ASCC3: variants seen among roughly 807,000 people sequenced by gnomAD.
ASCC3 encodes activating signal cointegrator 1 complex subunit 3.
A neutral mutation model predicts 256.3 loss-of-function variants in ASCC3; 158 were observed. That is an observed-to-expected ratio of 0.62 (90% CI 0.54 to 0.70). The LOEUF (loss-of-function observed/expected upper bound fraction) is 0.70. Ranked by LOEUF, ASCC3 falls within the 30% of genes least tolerant of loss-of-function variation. The pLI is 0.00. For missense variants in ASCC3, 2,259 were observed against 2,626.0 expected, an observed-to-expected ratio of 0.86 and a Z score of 3.05; for synonymous variants, 948 against 883.4, an observed-to-expected ratio of 1.07 and a Z score of -1.30.
intron 36 of ASCC3, among the ~76,000 whole-genome samples, chr6:100,541,294 A>G (rs1239306109): frequency 5.7e-5 from 8 of 139,452 alleles, no homozygotes; most frequent in Non-Finnish European, 1.1e-4. Context: ...CCAAAAAATT[A>G]AAAAAAAAAA....
At position 100,801,607 on chromosome 6, in the gene ASCC3, T is replaced by G. The variant is rs896152708; in HGVS notation, c.923-1103A>C. 3.9e-5 allele frequency among the ~76,000 whole-genome samples: 6 copies of G among 151,960 alleles called. No homozygotes were observed. The East Asian group carries it at 1.2e-3, about 29-fold the overall frequency. The stretch of plus-strand genomic sequence containing the variant: ...ACTTGTATAATGGCTTTATAAGGCC[T>G]AAAAAGGAAAATACGTCTCAAAATT... On this transcript the variant is annotated intron_variant, in intron 5 of 41. Transcript: ENST00000369162.
chr6:100,761,633 G>A (rs1025146581), intron 10 of ASCC3, among the ~76,000 whole-genome samples: 2 of 152,190 alleles, frequency 1.3e-5, no homozygotes, highest in Non-Finnish European at 2.9e-5. Flanking sequence ...AAGAATTGGA[G>A]TTTGGAGATT....
intron 10 of ASCC3, among the ~76,000 whole-genome samples, chr6:100,753,717 A>G (rs1232906364): frequency 6.6e-6 from 1 of 152,122 alleles, no homozygotes; most frequent in Non-Finnish European, 1.5e-5. Context: ...GAGTAGTGGC[A>G]GTGATCAAAG....
At chr6:100,808,672 C>T (rs1770309104) in intron 4 of ASCC3, among the ~76,000 whole-genome samples, 2 of 151,828 alleles carry the variant, frequency 1.3e-5, no homozygotes, top group Admixed American at 1.3e-4. Context: ...TTTCATCAAA[C>T]TGCTAACTTC....
At chr6:100,581,673 A>C (rs1320301918) in intron 36 of ASCC3, among the ~76,000 whole-genome samples, 2 of 152,080 alleles carry the variant, frequency 1.3e-5, no homozygotes, top group Non-Finnish European at 2.9e-5. Flanking sequence ...CTATGTCCTG[A>C]ATGGTAATGC....
chr6:100,810,011 G>A (rs892296797), intron 4 of ASCC3, among the ~76,000 whole-genome samples: 24 of 151,978 alleles, frequency 1.6e-4, no homozygotes, highest in African/African-American at 5.8e-4. Flanking sequence ...ATAATACCAT[G>A]GTTTAAAATC....
intron 4 of ASCC3, among the ~76,000 whole-genome samples, chr6:100,829,718 G>A (rs1232444281): frequency 6.6e-6 from 1 of 152,198 alleles, no homozygotes; most frequent in Non-Finnish European, 1.5e-5. Flanking sequence ...AAGAGCGAGC[G>A]AGGGCTGTGA....
At position 100,540,200 on chromosome 6, in the gene ASCC3, G is replaced by T. The variant is rs900932167; in HGVS notation, c.5738C>A (p.Thr1913Asn). 9 of 1,613,908 alleles carry T rather than the reference G, an allele frequency of 5.6e-6. No homozygotes were observed. The highest frequency in any genetic ancestry group is 6.8e-6 in the Non-Finnish European group (8 of 1,179,986). ...MLPCPDYDTDTKTVLDQALRV... is the reference protein window; with the variant it reads ...MLPCPDYDTDNKTVLDQALRV... ...GAGAGCTTGGTCCAAGACTGTTTTG[G>T]TATCAGTGTCATAATCTGGGCAGGG... The change falls in exon 37 of 42, where the codon ACC (threonine) becomes AAC (asparagine). Residue 1913 changes from threonine (T) to asparagine (N), a missense_variant. Physicochemically the swap from Thr to Asn is moderately conservative, Grantham distance 65. Coordinates refer to ENST00000369162, the MANE Select transcript of ASCC3 (RefSeq NM_006828.4).
intron 4 of ASCC3, among the ~76,000 whole-genome samples, chr6:100,841,438 AAG>A (rs1263167902): frequency 1.3e-5 from 2 of 152,184 alleles, no homozygotes; most frequent in East Asian, 3.9e-4. Flanking sequence ...ACTTAATTGT[AAG>A]CTTAACATCA....
At chr6:100,620,779 C>T (rs1015376683) in intron 30 of ASCC3, among the ~76,000 whole-genome samples, 1 of 152,160 alleles carries the variant, frequency 6.6e-6, no homozygotes, top group Non-Finnish European at 1.5e-5. Flanking sequence ...ACACAAGGAG[C>T]AGCAATGGAA....
chr6:100,814,634 G>A (rs1057447438), intron 4 of ASCC3, among the ~76,000 whole-genome samples: 5 of 152,088 alleles, frequency 3.3e-5, no homozygotes, highest in African/African-American at 1.2e-4. Flanking sequence ...TTATTGGTCT[G>A]TCTAGGGAAT....
intron 27 of ASCC3, 23 bp from the exon 28 acceptor site, chr6:100,628,010 T>C (rs1405991169): frequency 2.5e-6 from 4 of 1,611,280 alleles, no homozygotes; most frequent in East Asian, 2.2e-5. Flanking sequence ...GAAAAATCAA[T>C]GTTAATCATT....
intron 1 of ASCC3, among the ~76,000 whole-genome samples, chr6:100,879,361 C>A (rs1769166779): frequency 6.6e-6 from 1 of 152,196 alleles, no homozygotes; most frequent in Admixed American, 6.5e-5. Flanking sequence ...CAGCCCCTCT[C>A]TCACCTCCCT....
intron 3 of ASCC3, among the ~76,000 whole-genome samples, chr6:100,863,062 A>G (rs1201803756): frequency 6.6e-6 from 1 of 152,238 alleles, no homozygotes; most frequent in Non-Finnish European, 1.5e-5. Context: ...AGGCCAGATC[A>G]TGCAAGACCA....
chr6:100,645,241 T>C (rs1426142130), intron 22 of ASCC3, among the ~76,000 whole-genome samples: 1 of 152,080 alleles, frequency 6.6e-6, no homozygotes, highest in African/African-American at 2.4e-5. Context: ...AAATTTCAAA[T>C]ATGAGTTTAT....
intron 13 of ASCC3, among the ~76,000 whole-genome samples, chr6:100,705,603 T>G (rs1402808266): frequency 3.3e-5 from 5 of 151,914 alleles, no homozygotes; most frequent in Non-Finnish European, 5.9e-5. Context: ...CTGAACAACT[T>G]GAAGGCAAGA....
At chr6:100,523,262 C>T (rs1445586878) in intron 37 of ASCC3, among the ~76,000 whole-genome samples, 1 of 151,832 alleles carries the variant, frequency 6.6e-6, no homozygotes, top group African/African-American at 2.4e-5. Flanking sequence ...TCATTAGGTG[C>T]TTTTTAATGG....
chr6:100,725,495 A>T (rs368933337), intron 11 of ASCC3, 44 bp downstream of exon 11: 1 of 1,594,050 alleles, frequency 6.3e-7, no homozygotes, highest in Non-Finnish European at 8.6e-7. Flanking sequence ...GTTGAAAAAC[A>T]TATTTATCCC....
chr6:100,793,500 G>A (rs550807696), intron 8 of ASCC3, among the ~76,000 whole-genome samples: 7 of 151,892 alleles, frequency 4.6e-5, no homozygotes, highest in African/African-American at 9.6e-5. Flanking sequence ...TTAAGAGGTC[G>A]TATCAAGAAA....
Sources: gnomAD v4.1 joint callset for allele counts (sites outside exome capture counted in the v4.1 genomes callset) on GRCh38, gnomAD v4.1.1 for gene constraint, MANE v1.5 for transcripts, NCBI Gene and HGNC (gene_info 2026-07-23, HGNC 2026-07-21) for gene names.